Variants in OTOGL observed in about 807,000 individuals in gnomAD.
OTOGL encodes otogelin-like protein.
Under a neutral mutation model 318.5 loss-of-function variants are expected in OTOGL, and 285 were observed. The observed-to-expected ratio is 0.89, with a 90% CI of 0.81 to 0.99. OTOGL has a LOEUF of 0.99. Among genes scored for constraint, OTOGL ranks in the 50% least tolerant of loss-of-function variants. OTOGL has a pLI of 0.00. For synonymous variants in OTOGL, 987 were observed against 936.5 expected, an observed-to-expected ratio of 1.05 and a Z score of -0.99; for missense variants, 2,899 against 2,845.6, an observed-to-expected ratio of 1.02 and a Z score of -0.43.
Position 80,341,975 on chromosome 12 carries a change from A to G in OTOGL, c.5078A>G (p.Asp1693Gly). The change falls in exon 44 of 59, where the codon GAT (aspartate) becomes GGT (glycine). Residue 1693 changes from aspartate to glycine, a missense_variant. By Grantham distance (94) the Asp-to-Gly change is moderately conservative. Coordinates refer to ENST00000547103, the MANE Select transcript of OTOGL (RefSeq NM_001378609.3). ...CGICNEDPDD[D>G]LRMQNGTIIT... ...ATTTGCAATGAAGATCCGGATGATG[A>G]TCTAAGGATGCAAAATGGCACAATT... 6.2e-7 allele frequency: 1 copy of G among 1,607,610 alleles called. No homozygotes were observed. Among genetic ancestry groups the G allele is most frequent in the Non-Finnish European group, 8.5e-7 (1 of 1,176,176 alleles).
intron 11 of OTOGL, among the ~76,000 whole-genome samples, chr12:80,249,476 C>T (rs1330806525): frequency 3.3e-5 from 5 of 151,352 alleles, no homozygotes; most frequent in Non-Finnish European, 4.4e-5. Context: ...TTAGGCTGCT[C>T]GGGGGTCAGG....
In OTOGL at chr12:80,265,059, C is replaced by G; in HGVS notation, c.2073C>G (p.Ile691Met). The change falls in exon 20 of 59, where the codon ATC becomes ATG. Residue 691 changes from isoleucine (I) to methionine (M), a missense_variant. By Grantham distance (10) the Ile-to-Met change is conservative. This residue lies in a region of OTOGL where 2,607 missense variants were observed against 2,524.9 expected (regional missense o/e 1.03). Transcript: ENST00000547103. ...AGGAGCTCTTTGCTCCTTGCCACAT[C>G]TATATTAGCCCTGGGCTGTACTATC... ...IHQELFAPCH[I>M]YISPGLYYQL... 6.2e-7 allele frequency: 1 copy of G among 1,613,908 alleles called. No homozygotes were observed. The highest frequency in any genetic ancestry group is 1.3e-5 in the African/African-American group (1 of 75,052).
At chr12:80,207,837 T>A (rs1185736552) in intron 1 of OTOGL, among the ~76,000 whole-genome samples, 2 of 152,228 alleles carry the variant, frequency 1.3e-5, no homozygotes, top group African/African-American at 4.8e-5. Context: ...TTCTTAAGAA[T>A]CTAAAATATT....
chr12:80,264,937 G>T, intron 19 of OTOGL, 64 bp from the exon 20 acceptor site: 1 of 1,491,566 alleles, frequency 6.7e-7, no homozygotes, highest in Non-Finnish European at 9.3e-7. Flanking sequence ...AACGTGAAAT[G>T]CTTGGATAAT....
intron 1 of OTOGL, among the ~76,000 whole-genome samples, chr12:80,112,872 A>G (rs557691016): frequency 6.6e-6 from 1 of 152,074 alleles, no homozygotes; most frequent in East Asian, 1.9e-4. Flanking sequence ...TCAGCTGTGA[A>G]TCTGTCTGGT....
intron 44 of OTOGL, among the ~76,000 whole-genome samples, chr12:80,351,335 G>T (rs1889534932): frequency 1.3e-5 from 2 of 150,422 alleles, no homozygotes; most frequent in African/African-American, 2.4e-5. Flanking sequence ...GTTTGTGTTT[G>T]AGATACAGTC....
rs1207097318 is a variant in OTOGL at position 80,353,378 on chromosome 12, G to A, written c.5461G>A (p.Ala1821Thr). 6.2e-7 allele frequency: 1 copy of A among 1,601,060 alleles called. No individual in the cohort carries two copies. Among genetic ancestry groups the A allele is most frequent in the South Asian group, 1.1e-5 (1 of 87,982 alleles). ...TCAACCCTGTGTGCGACCTTGTGAAGCAAGAACATGCCTGAACCAATGGTT... is the reference window on the plus strand; with the variant it reads ...TCAACCCTGTGTGCGACCTTGTGAAACAAGAACATGCCTGAACCAATGGTT... ...EYQPCVRPCE[A>T]RTCLNQWFYG... Residue 1821 changes from alanine (A) to threonine (T), a missense_variant, in exon 46 of 59, where the codon GCA becomes ACA. By Grantham distance (58) the Ala-to-Thr change is moderately conservative. This residue lies in a region of OTOGL where 2,607 missense variants were observed against 2,524.9 expected (regional missense o/e 1.03). Coordinates refer to ENST00000547103, the MANE Select transcript of OTOGL (RefSeq NM_001378609.3).
intron 1 of OTOGL, among the ~76,000 whole-genome samples, chr12:80,190,691 G>C (rs537404515): frequency 2.0e-4 from 31 of 151,268 alleles, no homozygotes; most frequent in African/African-American, 7.5e-4. Context: ...GAAGGCTGAG[G>C]CAGGAGAATG....
intron 4 of OTOGL, among the ~76,000 whole-genome samples, chr12:80,217,148 T>C (rs1395378191): frequency 6.6e-6 from 1 of 152,134 alleles, no homozygotes; most frequent in African/African-American, 2.4e-5. Flanking sequence ...GCATTTTTTT[T>C]TTCCAAACCT....
intron 1 of OTOGL, among the ~76,000 whole-genome samples, chr12:80,152,497 T>C (rs535783472): frequency 6.6e-6 from 1 of 151,960 alleles, no homozygotes; most frequent in East Asian, 1.9e-4. Flanking sequence ...AATGACAAAA[T>C]AGATGGAAAT....
At chr12:80,364,642 T>C (rs1028964940) in intron 52 of OTOGL, among the ~76,000 whole-genome samples, 3 of 152,142 alleles carry the variant, frequency 2.0e-5, no homozygotes, top group African/African-American at 7.2e-5. Context: ...CTGTTCTTGG[T>C]ATTTCCTATA....
chr12:80,355,292 A>G (rs1889818429), intron 46 of OTOGL, among the ~76,000 whole-genome samples: 2 of 134,808 alleles, frequency 1.5e-5, no homozygotes, highest in Non-Finnish European at 3.0e-5. Context: ...TACAGTGGTC[A>G]TAGCTCACTG....
intron 1 of OTOGL, among the ~76,000 whole-genome samples, chr12:80,115,512 T>G (rs758038263): frequency 6.6e-6 from 1 of 152,062 alleles, no homozygotes; most frequent in Non-Finnish European, 1.5e-5. Context: ...TCCCCATCAG[T>G]AGGCATGGGG....
At chr12:80,193,895 A>G (rs1368932141) in intron 1 of OTOGL, among the ~76,000 whole-genome samples, 1 of 152,234 alleles carries the variant, frequency 6.6e-6, no homozygotes, top group Non-Finnish European at 1.5e-5. Context: ...GTCATCTGAC[A>G]CATCCGCCTC....
chr12:80,128,688 CT>C (rs1871028023), intron 1 of OTOGL, among the ~76,000 whole-genome samples: 1 of 152,196 alleles, frequency 6.6e-6, no homozygotes, highest in African/African-American at 2.4e-5. Flanking sequence ...TAGGCTCCAC[CT>C]AGTTCGAGCT....
intron 35 of OTOGL, among the ~76,000 whole-genome samples, chr12:80,327,857 G>T (rs936445221): frequency 2.0e-5 from 3 of 150,170 alleles, no homozygotes; most frequent in Non-Finnish European, 4.4e-5. Flanking sequence ...TACTTGGGAG[G>T]CTGAGGCAGG....
chr12:80,232,994 A>G lies in OTOGL; in HGVS notation c.714A>G (p.Ile238Met). Residue 238 changes from isoleucine to methionine, a missense_variant, in exon 9 of 59, where the codon ATA (isoleucine) becomes ATG (methionine). Transcript: ENST00000547103. ...TFGFSLAWDGISGIYLKLSED... is the reference protein window; with the variant it reads ...TFGFSLAWDGMSGIYLKLSED... The stretch of plus-strand genomic sequence containing the variant: ...GCTTTTCATTGGCTTGGGACGGGAT[A>G]TCTGGGATCTACCTCAAGCTGTCTG... 1 of 1,598,720 alleles carries G rather than the reference A, an allele frequency of 6.3e-7. No individual in the cohort carries two copies. The highest frequency in any genetic ancestry group is 2.2e-5 in the East Asian group (1 of 44,864).
chr12:80,269,863 T>C (rs1420674311), intron 22 of OTOGL, among the ~76,000 whole-genome samples: 1 of 152,210 alleles, frequency 6.6e-6, no homozygotes, highest in Non-Finnish European at 1.5e-5. Context: ...TTGATGTTCA[T>C]GTCTCCCATG....
At chr12:80,205,892 C>T (rs919117418) in intron 1 of OTOGL, among the ~76,000 whole-genome samples, 1 of 152,154 alleles carries the variant, frequency 6.6e-6, no homozygotes, top group Non-Finnish European at 1.5e-5. Flanking sequence ...GACATATATA[C>T]TCCTCAATAA....
Sources: allele counts gnomAD v4.1 joint callset (sites outside exome capture counted in the v4.1 genomes callset), GRCh38; gene constraint gnomAD v4.1.1; regional missense constraint gnomAD v4.1.1; transcripts MANE v1.5; gene names NCBI Gene and HGNC (gene_info 2026-07-23, HGNC 2026-07-21).